The following ZNF407 variants were observed in gnomAD, a reference collection of about 807,000 sequenced individuals.
ZNF407 encodes zinc finger protein 407.
In ZNF407, 17 loss-of-function variants were observed where a neutral mutation model predicts 131.2. The observed-to-expected ratio is 0.13, with a 90% CI of 0.09 to 0.19. ZNF407 has a LOEUF of 0.19. Among genes scored for constraint, ZNF407 ranks in the 10% least tolerant of loss-of-function variants. ZNF407 has a pLI of 1.00. For missense variants in ZNF407, 2,681 were observed against 2,830.6 expected, an observed-to-expected ratio of 0.95 and a Z score of 1.20; for synonymous variants, 1,156 against 1,062.0, an observed-to-expected ratio of 1.09 and a Z score of -1.72.
rs1345585661 is a variant in ZNF407 at position 75,063,671 on chromosome 18, G to C, written c.5950G>C (p.Glu1984Gln). 1.1e-5 allele frequency: 18 copies of C among 1,609,554 alleles called. No homozygotes were observed. The South Asian group carries it at 1.9e-4, about 17-fold the overall frequency. ...NLSEAGVAPP[E>Q]ASSALDALLC... Reference sequence around the variant, plus strand: ...CTCGGAGGCTGGAGTCGCTCCCCCCGAGGCATCCTCAGCCCTGGATGCATT... The same window carrying C: ...CTCGGAGGCTGGAGTCGCTCCCCCCCAGGCATCCTCAGCCCTGGATGCATT... Residue 1984 changes from glutamate to glutamine, a missense_variant, in exon 9 of 9, where the codon GAG becomes CAG. By Grantham distance (29) the Glu-to-Gln change is conservative. Coordinates refer to ENST00000299687, the MANE Select transcript of ZNF407 (RefSeq NM_017757.3). The surrounding 1 kb of genome is among the most constrained non-coding windows in gnomAD (Gnocchi z 6.6).
chr18:74,799,114 C>A (rs1969973494), intron 4 of ZNF407, among the ~76,000 whole-genome samples: 1 of 151,964 alleles, frequency 6.6e-6, no homozygotes. Flanking sequence ...ATATGATTGC[C>A]CACAAATTTT....
rs1003196216 is a variant in ZNF407, at chr18:74,766,453, T to C, written c.4803-14975T>C. On this transcript the variant is annotated intron_variant, in intron 3 of 8. Transcript: ENST00000299687. ...TGGTTGTTGTCTTGTGATGATGAGA[T>C]GATCTATGTGGCAATGCCTGCGCGC... Among the ~76,000 whole-genome samples, 14 of 152,196 alleles carry C rather than the reference T, an allele frequency of 9.2e-5. 1 individual carries two copies. Among genetic ancestry groups the C allele is most frequent in the Admixed American group, 8.5e-4 (13 of 15,282 alleles).
intron 3 of ZNF407, among the ~76,000 whole-genome samples, chr18:74,704,487 G>A (rs1402834379): frequency 1.3e-5 from 2 of 152,194 alleles, no homozygotes; most frequent in African/African-American, 2.4e-5. Context: ...GGCTCATGGC[G>A]AGAGGGACCT....
At chr18:74,983,028 A>G (rs1414569900) in intron 8 of ZNF407, among the ~76,000 whole-genome samples, 1 of 152,210 alleles carries the variant, frequency 6.6e-6, no homozygotes, top group African/African-American at 2.4e-5. Flanking sequence ...CTTTTTATAA[A>G]CCAAGAACAT....
At chr18:75,014,203 G>A (rs975945813) in intron 8 of ZNF407, among the ~76,000 whole-genome samples, 20 of 152,124 alleles carry the variant, frequency 1.3e-4, no homozygotes, top group Admixed American at 1.2e-3. Flanking sequence ...TAGGCAAAGT[G>A]TTTACATTGG....
intron 1 of ZNF407, among the ~76,000 whole-genome samples, chr18:74,604,267 C>G (rs886320518): frequency 6.6e-5 from 10 of 152,162 alleles, no homozygotes; most frequent in African/African-American, 2.4e-4. Flanking sequence ...TAGTTTTTCT[C>G]CTTGTTAGCT....
intron 3 of ZNF407, among the ~76,000 whole-genome samples, chr18:74,727,446 C>T (rs1260433045): frequency 6.6e-6 from 1 of 152,090 alleles, no homozygotes; most frequent in Admixed American, 6.5e-5. Flanking sequence ...GATTATATAT[C>T]GTTTGCGTTG....
rs547654359 is a variant in ZNF407, at chr18:74,924,255, G to A, written c.5428+3563G>A. Among the ~76,000 whole-genome samples, 3 of 152,128 alleles carry A rather than the reference G, an allele frequency of 2.0e-5. No individual in the cohort carries two copies. The South Asian group carries it at 6.2e-4, about 32-fold the overall frequency. Reference sequence around the variant, plus strand: ...TTCTGCTTCTTAATCCCAATACTGAGACACAGTTGTGTTCAGTTTGAGAAA... The same window carrying A: ...TTCTGCTTCTTAATCCCAATACTGAAACACAGTTGTGTTCAGTTTGAGAAA... On this transcript the variant is annotated intron_variant, in intron 8 of 8. Transcript: ENST00000299687.
chr18:74,941,167 C>T (rs141187084), intron 8 of ZNF407, among the ~76,000 whole-genome samples: 7 of 152,306 alleles, frequency 4.6e-5, no homozygotes, highest in African/African-American at 1.7e-4. Context: ...TTCCCATTGC[C>T]ACAAAACTGA....
intron 8 of ZNF407, among the ~76,000 whole-genome samples, chr18:75,015,295 C>T (rs1323438270): frequency 1.3e-5 from 2 of 151,748 alleles, no homozygotes; most frequent in Admixed American, 1.3e-4. Flanking sequence ...TTACTCTCAG[C>T]AGTCAGGGTA....
chr18:74,854,045 C>A (rs1048720216), intron 4 of ZNF407, among the ~76,000 whole-genome samples: 2 of 152,084 alleles, frequency 1.3e-5, no homozygotes, highest in Admixed American at 6.5e-5. Context: ...TAATGGTTTG[C>A]GAATGTCTGG....
At chr18:74,712,772 G>A (rs1392841338) in intron 3 of ZNF407, among the ~76,000 whole-genome samples, 1 of 152,190 alleles carries the variant, frequency 6.6e-6, no homozygotes, top group Non-Finnish European at 1.5e-5. Context: ...TAGAAGCATT[G>A]AGGTTTTGCT....
intron 3 of ZNF407, among the ~76,000 whole-genome samples, chr18:74,707,422 T>C (rs781119851): frequency 1.9e-4 from 29 of 152,242 alleles, no homozygotes; most frequent in Non-Finnish European, 3.4e-4. Flanking sequence ...AAATTTTTTT[T>C]GGATTTTGAG....
intron 4 of ZNF407, among the ~76,000 whole-genome samples, chr18:74,871,511 GT>G (rs146482430): frequency 0.15 from 22,099 of 151,192 alleles, 1,714 homozygotes; most frequent in Middle Eastern, 0.27. Context: ...ATACCTGTCA[GT>G]TTTTTTTTAA....
At chr18:74,662,361 T>C (rs1985752277) in intron 3 of ZNF407, among the ~76,000 whole-genome samples, 1 of 152,220 alleles carries the variant, frequency 6.6e-6, no homozygotes, top group South Asian at 2.1e-4. Context: ...TTAATCCCTC[T>C]GTTATCATTA....
intron 3 of ZNF407, among the ~76,000 whole-genome samples, chr18:74,736,498 A>G (rs1968415786): frequency 6.6e-6 from 1 of 152,150 alleles, no homozygotes; most frequent in Admixed American, 6.5e-5. Flanking sequence ...GAGTCCTAGA[A>G]TGCATTGATT....
At chr18:74,625,893 C>T (rs12964939) in intron 1 of ZNF407, among the ~76,000 whole-genome samples, 23,114 of 152,014 alleles carry the variant, frequency 0.15, 1,773 homozygotes, top group Middle Eastern at 0.18. Context: ...TACAGTCTAG[C>T]GTGTAGAGAC....
chr18:74,944,149 C>T (rs538760613), intron 8 of ZNF407, among the ~76,000 whole-genome samples: 7 of 152,280 alleles, frequency 4.6e-5, no homozygotes, highest in African/African-American at 1.7e-4. Flanking sequence ...TTACATCCCA[C>T]CAAAGGCACC....
chr18:74,961,620 T>C (rs140876170), intron 8 of ZNF407, among the ~76,000 whole-genome samples: 1,647 of 151,666 alleles, frequency 0.011, 33 homozygotes, highest in African/African-American at 0.037. Context: ...CTCGGGAGGC[T>C]GAGGTGGAAG....
Sources: allele counts gnomAD v4.1 joint callset (sites outside exome capture counted in the v4.1 genomes callset), GRCh38; gene constraint gnomAD v4.1.1; non-coding constraint Gnocchi (gnomAD v3.1); transcripts MANE v1.5; gene names NCBI Gene and HGNC (gene_info 2026-07-23, HGNC 2026-07-21).